FAM163A: variants seen among roughly 807,000 people sequenced by gnomAD.
FAM163A encodes family with sequence similarity 163 member A.
A neutral mutation model predicts 12.0 loss-of-function variants in FAM163A; 7 were observed. The observed-to-expected ratio is 0.58, with a 90% CI of 0.33 to 1.10. FAM163A has a LOEUF of 1.10. Among genes scored for constraint, FAM163A ranks in the 50% least tolerant of loss-of-function variants. FAM163A has a pLI of 0.03. For missense variants in FAM163A, 202 were observed against 218.6 expected (o/e 0.92, Z 0.48); for synonymous variants, 101 against 91.0 (o/e 1.11, Z -0.62).
At chr1:179,728,477 G>T in the FAM163A span, among the ~76,000 whole-genome samples, 1 of 152,170 alleles carries the variant, frequency 6.6e-6, no homozygotes, top group Non-Finnish European at 1.5e-5. Context: ...ACATCAGGCA[G>T]TAAGTGATCT....
At chr1:179,738,088 G>A in the FAM163A span, among the ~76,000 whole-genome samples, 1 of 152,206 alleles carries the variant, frequency 6.6e-6, no homozygotes, top group Admixed American at 6.5e-5. Flanking sequence ...TATCATAGAA[G>A]TGGAGAGGAA....
intron 1 of FAM163A, among the ~76,000 whole-genome samples, chr1:179,807,490 GC>G (rs763588691): frequency 2.0e-5 from 3 of 152,196 alleles, no homozygotes; most frequent in Non-Finnish European, 2.9e-5. Flanking sequence ...CGAGCGCCCT[GC>G]CCCACTCGCC....
chr1:179,788,533 A>G (rs921494895), intron 1 of FAM163A, among the ~76,000 whole-genome samples: 5 of 152,142 alleles, frequency 3.3e-5, no homozygotes, highest in Non-Finnish European at 1.5e-5. Context: ...GATAAACTCA[A>G]TGTGAAGTGG....
the FAM163A span, among the ~76,000 whole-genome samples, chr1:179,733,325 C>T: frequency 6.6e-6 from 1 of 152,210 alleles, no homozygotes; most frequent in Middle Eastern, 3.4e-3. Flanking sequence ...TGCCTATTGA[C>T]CATATTATCT....
chr1:179,809,783 G>A (rs1167779889), intron 2 of FAM163A, among the ~76,000 whole-genome samples: 1 of 152,186 alleles, frequency 6.6e-6, no homozygotes, highest in African/African-American at 2.4e-5. Context: ...TCCATAAGCA[G>A]CCCTCAGCGA....
At chr1:179,757,123 A>G (rs1197288915) in intron 1 of FAM163A, among the ~76,000 whole-genome samples, 2 of 147,740 alleles carry the variant, frequency 1.4e-5, no homozygotes, top group Admixed American at 7.0e-5. Flanking sequence ...TATTCCTAGT[A>G]GCTTTGTTGG....
chr1:179,812,506 TCC>T (rs1360724554), intron 3 of FAM163A, among the ~76,000 whole-genome samples: 9 of 152,104 alleles, frequency 5.9e-5, no homozygotes, highest in Non-Finnish European at 7.4e-5. Context: ...TGTGGCCCTT[TCC>T]CCGCCAGCCC....
At chr1:179,813,237 AC>A in intron 4 of FAM163A, 47 bp downstream of exon 4, 1 of 1,524,880 alleles carries the variant, frequency 6.6e-7, no homozygotes, top group African/African-American at 1.4e-5. Context: ...CCACCAGCAA[AC>A]CTCTTTTTCA....
intron 1 of FAM163A, among the ~76,000 whole-genome samples, chr1:179,746,345 G>A (rs1684457302): frequency 6.6e-6 from 1 of 152,194 alleles, no homozygotes; most frequent in Admixed American, 6.5e-5. Flanking sequence ...CAACTTACAT[G>A]CTTATCAAAG....
In FAM163A at chr1:179,775,051, A is replaced by G. The variant is rs560603127; in HGVS notation, c.-136+31628A>G. Among the ~76,000 whole-genome samples the G allele has an allele frequency of 6.6e-5, 10 of 152,330 alleles. No individual in the cohort carries two copies. The South Asian group carries it at 2.1e-3, about 32-fold the overall frequency. The stretch of plus-strand genomic sequence containing the variant: ...TTTATTGAAAATGAAAGTACACTCC[A>G]CATTGTGGGAGTTGGCCCAAGCAGC... On this transcript the variant is annotated intron_variant, in intron 1 of 4. Transcript: ENST00000341785.
intron 1 of FAM163A, among the ~76,000 whole-genome samples, chr1:179,754,560 A>G (rs192816663): frequency 6.6e-6 from 1 of 152,190 alleles, no homozygotes; most frequent in East Asian, 1.9e-4. Flanking sequence ...TTTGAGCTGG[A>G]TGAAAGACGT....
chr1:179,780,450 A>G (rs1387172860), intron 1 of FAM163A, among the ~76,000 whole-genome samples: 1 of 152,220 alleles, frequency 6.6e-6, no homozygotes, highest in Non-Finnish European at 1.5e-5. Flanking sequence ...AAAGAAGTGA[A>G]ATTGAAACAA....
upstream of FAM163A, among the ~76,000 whole-genome samples, chr1:179,740,378 A>G (rs1683492065): frequency 6.6e-6 from 1 of 152,050 alleles, no homozygotes; most frequent in South Asian, 2.1e-4. Flanking sequence ...ACAGGGTCTC[A>G]CTATGTTGCC....
In FAM163A at chr1:179,814,222, A is replaced by G; in HGVS notation, c.*33A>G. ...CACCCCGACCCGCACACACACCCACACTGCTGCCCTGGCGGGGGCCATGGG... is the reference window on the plus strand; with the variant it reads ...CACCCCGACCCGCACACACACCCACGCTGCTGCCCTGGCGGGGGCCATGGG... On this transcript the variant is annotated 3_prime_UTR_variant, in exon 5 of 5. Coordinates refer to ENST00000341785, the MANE Select transcript of FAM163A (RefSeq NM_173509.3). 6.4e-7 allele frequency: 1 copy of G among 1,561,444 alleles called. No homozygotes were observed. Among genetic ancestry groups the G allele is most frequent in the Non-Finnish European group, 8.7e-7 (1 of 1,151,362 alleles).
chr1:179,814,204 A>C lies in FAM163A; in HGVS notation c.*15A>C, dbSNP rs749889410. On this transcript the variant is annotated 3_prime_UTR_variant, in exon 5 of 5. Coordinates refer to ENST00000341785, the MANE Select transcript of FAM163A (RefSeq NM_173509.3). ...CAGACGTGTAAATCCTTCCACCCCG[A>C]CCCGCACACACACCCACACTGCTGC... The C allele has an allele frequency of 1.1e-5, 18 of 1,587,358 alleles. No homozygotes were observed. In the South Asian group the frequency reaches 1.5e-4, roughly 13 times the overall value.
intron 2 of FAM163A, among the ~76,000 whole-genome samples, chr1:179,808,465 T>G (rs1694256126): frequency 1.3e-5 from 2 of 152,302 alleles, no homozygotes; most frequent in South Asian, 4.1e-4. Context: ...CCACTTCATC[T>G]CTCATGTATG....
At chr1:179,762,003 C>T (rs567746268) in intron 1 of FAM163A, among the ~76,000 whole-genome samples, 1 of 152,200 alleles carries the variant, frequency 6.6e-6, no homozygotes, top group Admixed American at 6.5e-5. Context: ...CACTGAACAC[C>T]CCCCACTCCT....
chr1:179,755,640 G>C (rs967835729), intron 1 of FAM163A, among the ~76,000 whole-genome samples: 4 of 152,174 alleles, frequency 2.6e-5, no homozygotes, highest in Non-Finnish European at 4.4e-5. Flanking sequence ...TCTAATTCAG[G>C]AAAACAGAAT....
At chr1:179,737,971 G>T in the FAM163A span, among the ~76,000 whole-genome samples, 2 of 152,200 alleles carry the variant, frequency 1.3e-5, no homozygotes, top group Non-Finnish European at 2.9e-5. Context: ...TTAAATAGGT[G>T]CAGTTTACAT....
Sources: allele counts gnomAD v4.1 joint callset (sites outside exome capture counted in the v4.1 genomes callset), GRCh38; gene constraint gnomAD v4.1.1; transcripts MANE v1.5; gene names NCBI Gene and HGNC (gene_info 2026-07-23, HGNC 2026-07-21).